The following NELL1 variants were observed in gnomAD, a reference collection of about 807,000 sequenced individuals.
NELL1 encodes neural EGFL like 1.
Under a neutral mutation model 107.4 loss-of-function variants are expected in NELL1, and 76 were observed. The ratio of observed to expected loss-of-function variants is 0.71; its 90% CI spans 0.59 to 0.86. NELL1 has a LOEUF of 0.86. Ranked by LOEUF, NELL1 falls within the 40% of genes least tolerant of loss-of-function variation. NELL1 has a pLI of 0.00. For missense variants in NELL1, 1,024 were observed against 1,005.5 expected (o/e 1.02, Z -0.25); for synonymous variants, 353 against 341.2 (o/e 1.03, Z -0.38).
At chr11:21,337,128 C>T (rs947912287) in intron 14 of NELL1, among the ~76,000 whole-genome samples, 3 of 152,034 alleles carry the variant, frequency 2.0e-5, no homozygotes, top group African/African-American at 7.2e-5. Flanking sequence ...TTTCAAGGTA[C>T]TTAGCTTGAG....
At chr11:21,200,973 C>A (rs1288872148) in intron 13 of NELL1, among the ~76,000 whole-genome samples, 1 of 152,140 alleles carries the variant, frequency 6.6e-6, no homozygotes, top group African/African-American at 2.4e-5. Flanking sequence ...GGCCTCTGTT[C>A]TGTTCCATTG....
chr11:21,160,778 A>AT (rs1438619046), intron 13 of NELL1, among the ~76,000 whole-genome samples: 7 of 152,280 alleles, frequency 4.6e-5, no homozygotes, highest in African/African-American at 1.7e-4. Context: ...ATACATTACT[A>AT]TTTCCACAGT....
intron 2 of NELL1, chr11:20,770,984 C>T (rs1856628487): frequency 1.4e-5 from 2 of 142,422 alleles, no homozygotes; most frequent in African/African-American, 5.0e-5. Context: ...AAACAACCTG[C>T]ACAGTTGTTT....
rs569879262 is a variant in NELL1, at chr11:21,555,853, C to G, written c.1787-4336C>G. 2.8e-4 allele frequency among the ~76,000 whole-genome samples: 42 copies of G among 151,984 alleles called. No homozygotes were observed. In the South Asian group the frequency reaches 6.2e-3, roughly 23 times the overall value. On this transcript the variant is annotated intron_variant, in intron 16 of 19. Transcript: ENST00000357134. ...ATGGATCTCTTCTGATGTGTTCTAACTGTGTCAACCTCATTCTTCATAGTC... is the reference window on the plus strand; with the variant it reads ...ATGGATCTCTTCTGATGTGTTCTAAGTGTGTCAACCTCATTCTTCATAGTC...
intron 12 of NELL1, among the ~76,000 whole-genome samples, chr11:20,974,593 C>G (rs1212099821): frequency 1.3e-5 from 2 of 151,978 alleles, no homozygotes; most frequent in African/African-American, 2.4e-5. Context: ...TCTGATACAC[C>G]AACTCAGCAT....
chr11:21,349,467 A>G (rs1339937911), intron 14 of NELL1, among the ~76,000 whole-genome samples: 1 of 152,126 alleles, frequency 6.6e-6, no homozygotes, highest in Non-Finnish European at 1.5e-5. Context: ...ACCCCAGAAA[A>G]TGGTTTTGAA....
rs998627405 is a variant in NELL1, at chr11:21,374,909, G to A, written c.1645+3961G>A. 2.0e-5 allele frequency among the ~76,000 whole-genome samples: 3 copies of A among 151,620 alleles called. No individual in the cohort carries two copies. The East Asian group carries it at 5.8e-4, about 30-fold the overall frequency. ...TGTCTGTGTGTGTGTGTGTGTGTGT[G>A]TGTGTGTGTGTGTGTGTGTATGGTC... is the stretch of plus-strand genomic sequence containing the variant. On this transcript the variant is annotated intron_variant, in intron 15 of 19. Coordinates refer to ENST00000357134, the MANE Select transcript of NELL1 (RefSeq NM_006157.5).
At chr11:20,913,347 TA>T (rs1412486888) in intron 5 of NELL1, among the ~76,000 whole-genome samples, 1 of 152,160 alleles carries the variant, frequency 6.6e-6, no homozygotes, top group Non-Finnish European at 1.5e-5. Flanking sequence ...ATAAGAGCGT[TA>T]AAAAAGAATT....
intron 16 of NELL1, among the ~76,000 whole-genome samples, chr11:21,535,174 G>A (rs977637972): frequency 1.3e-5 from 2 of 152,132 alleles, no homozygotes; most frequent in Non-Finnish European, 2.9e-5. Flanking sequence ...CGGGAAATTA[G>A]CAGATGGAGT....
chr11:21,108,819 A>G, intron 12 of NELL1, among the ~76,000 whole-genome samples: 1 of 152,156 alleles, frequency 6.6e-6, no homozygotes, highest in African/African-American at 2.4e-5. Context: ...CAGAATTGCC[A>G]TTTTAACAGA....
At position 20,847,860 on chromosome 11, in the gene NELL1, A is replaced by C. The variant is rs896398550; in HGVS notation, c.506+107A>C. ...AAGACTTGCCAGGAAACAAACACCA[A>C]GGGACCCTAATTGTAATTTAACCTA... On this transcript the variant is annotated intron_variant, in intron 4 of 19. Transcript: ENST00000357134. 5.3e-5 allele frequency: 64 copies of C among 1,199,044 alleles called. No homozygotes were observed. In the African/African-American group the frequency reaches 9.4e-4, roughly 18 times the overall value. 74.3% of individuals were successfully genotyped at this position (1,199,044 alleles called of 1,614,324 possible). A position where few individuals can be genotyped will look rare whatever the true frequency, so the allele number is the denominator to read the frequency against.
intron 3 of NELL1, among the ~76,000 whole-genome samples, chr11:20,804,756 G>T (rs534965801): frequency 5.5e-4 from 84 of 152,222 alleles, no homozygotes; most frequent in Non-Finnish European, 5.7e-4. Flanking sequence ...TATGTATTCT[G>T]CAGCCTTTGG....
At chr11:20,941,277 AC>A (rs1012563359) in intron 10 of NELL1, among the ~76,000 whole-genome samples, 3 of 151,860 alleles carry the variant, frequency 2.0e-5, no homozygotes, top group Non-Finnish European at 4.4e-5. Context: ...GTGAAAATCT[AC>A]CCCCCTGTAA....
intron 2 of NELL1, among the ~76,000 whole-genome samples, chr11:20,729,352 G>C (rs945671779): frequency 6.6e-6 from 1 of 152,114 alleles, no homozygotes; most frequent in Non-Finnish European, 1.5e-5. Flanking sequence ...TGTTGAACAG[G>C]AGTGGTGAGA....
intron 14 of NELL1, chr11:21,284,622 GT>G (rs1202013368): frequency 2.4e-5 from 10 of 420,920 alleles, no homozygotes; most frequent in Admixed American, 1.2e-4. Flanking sequence ...TTATGGCAAT[GT>G]TATCAACAGT....
chr11:21,305,193 C>T (rs750391058), intron 14 of NELL1, among the ~76,000 whole-genome samples: 7 of 151,872 alleles, frequency 4.6e-5, no homozygotes, highest in Non-Finnish European at 7.4e-5. Context: ...ACTTTATGCT[C>T]AAATGTATGG....
intron 13 of NELL1, among the ~76,000 whole-genome samples, chr11:21,196,267 G>A (rs1446553678): frequency 6.6e-6 from 1 of 152,124 alleles, no homozygotes; most frequent in East Asian, 1.9e-4. Flanking sequence ...TTCTTACAGA[G>A]GTTGACGGAA....
intron 15 of NELL1, among the ~76,000 whole-genome samples, chr11:21,468,689 C>T (rs754195148): frequency 1.2e-4 from 19 of 152,122 alleles, no homozygotes; most frequent in Admixed American, 9.8e-4. Flanking sequence ...TGATAAAATT[C>T]GAAAGCCCTC....
chr11:21,275,700 A>T (rs1029976819), intron 14 of NELL1, among the ~76,000 whole-genome samples: 1 of 152,162 alleles, frequency 6.6e-6, no homozygotes, highest in Non-Finnish European at 1.5e-5. Context: ...AGCTTATTCA[A>T]TATGATCAAG....
Sources: allele counts gnomAD v4.1 joint callset (sites outside exome capture counted in the v4.1 genomes callset), GRCh38; gene constraint gnomAD v4.1.1; transcripts MANE v1.5; gene names NCBI Gene and HGNC (gene_info 2026-07-23, HGNC 2026-07-21).